The following EPSTI1 variants were observed in gnomAD, a reference collection of about 807,000 sequenced individuals.
EPSTI1 encodes epithelial-stromal interaction protein 1.
In EPSTI1, 66 loss-of-function variants were observed where a neutral mutation model predicts 49.9. The observed-to-expected ratio is 1.32, with a 90% CI of 1.08 to 1.62. The LOEUF (loss-of-function observed/expected upper bound fraction) is 1.62. Ranked by LOEUF, EPSTI1 falls within the 40% of genes most tolerant of loss-of-function variation. EPSTI1 has a pLI of 0.00. For missense variants in EPSTI1, 394 were observed against 365.5 expected (o/e 1.08, Z -0.64); for synonymous variants, 137 against 130.7 (o/e 1.05, Z -0.33).
At chr13:42,949,694 AATTCTTAT>A (rs2039038128) in intron 6 of EPSTI1, among the ~76,000 whole-genome samples, 1 of 152,092 alleles carries the variant, frequency 6.6e-6, no homozygotes, top group Non-Finnish European at 1.5e-5. Flanking sequence ...AAATGTAGCC[AATTCTTAT>A]ATCTCGAGAA....
chr13:42,899,950 T>C (rs749973980), intron 9 of EPSTI1, among the ~76,000 whole-genome samples: 7 of 152,218 alleles, frequency 4.6e-5, no homozygotes, highest in Non-Finnish European at 8.8e-5. Context: ...TTGATCTAAG[T>C]GTTATAACTA....
intron 1 of EPSTI1, among the ~76,000 whole-genome samples, chr13:42,989,906 A>T (rs928210975): frequency 6.6e-6 from 1 of 151,806 alleles, no homozygotes; most frequent in African/African-American, 2.4e-5. Context: ...TCATTTTTTT[A>T]AATCAGAAAG....
At chr13:42,930,817 G>A (rs1272251087) in intron 6 of EPSTI1, among the ~76,000 whole-genome samples, 1 of 152,174 alleles carries the variant, frequency 6.6e-6, no homozygotes, top group East Asian at 1.9e-4. Flanking sequence ...TGTCAGGTAT[G>A]TATCCTGATT....
intron 8 of EPSTI1, among the ~76,000 whole-genome samples, chr13:42,904,053 A>G (rs2037432672): frequency 6.6e-6 from 1 of 152,246 alleles, no homozygotes; most frequent in African/African-American, 2.4e-5. Context: ...AGGCTATAGT[A>G]GTGAACAAGA....
intron 1 of EPSTI1, among the ~76,000 whole-genome samples, chr13:42,976,554 G>C (rs1010442722): frequency 6.6e-6 from 1 of 152,040 alleles, no homozygotes; most frequent in African/African-American, 2.4e-5. Context: ...CTTATGAAAT[G>C]TGCTATATAT....
chr13:42,911,273 ACG>A (rs1328993248), intron 8 of EPSTI1, among the ~76,000 whole-genome samples: 2 of 94,862 alleles, frequency 2.1e-5, no homozygotes, highest in African/African-American at 7.3e-5. Context: ...GTGCGCGCGC[ACG>A]CGCGCACACG....
intron 9 of EPSTI1, among the ~76,000 whole-genome samples, chr13:42,895,953 T>C (rs2037177435): frequency 6.6e-6 from 1 of 152,182 alleles, no homozygotes; most frequent in African/African-American, 2.4e-5. Context: ...ACCAGTCACA[T>C]GAGCCTCTTG....
chr13:42,967,289 TAAAA>T (rs747737457), intron 3 of EPSTI1, among the ~76,000 whole-genome samples: 2 of 28,540 alleles, frequency 7.0e-5, no homozygotes, highest in African/African-American at 9.2e-5. Flanking sequence ...AAAAATAAAT[TAAAA>T]AAAAAAAAAA....
intron 8 of EPSTI1, 48 bp from the exon 9 acceptor site, chr13:42,900,431 G>A (rs2037323525): frequency 6.5e-7 from 1 of 1,530,640 alleles, no homozygotes; most frequent in Non-Finnish European, 9.0e-7. Context: ...TAACACAGTT[G>A]TACAGAAGAT....
intron 10 of EPSTI1, among the ~76,000 whole-genome samples, chr13:42,892,814 G>C (rs757137964): frequency 2.0e-5 from 3 of 152,200 alleles, no homozygotes; most frequent in Non-Finnish European, 4.4e-5. Context: ...GTAGATCCCT[G>C]AGGCACTTCA....
chr13:42,904,994 T>C (rs537015046), intron 8 of EPSTI1, among the ~76,000 whole-genome samples: 1 of 152,328 alleles, frequency 6.6e-6, no homozygotes, highest in South Asian at 2.1e-4. Flanking sequence ...CTGAACCATG[T>C]GTATATATTA....
rs2036909245 is a variant in EPSTI1, at chr13:42,887,928, A to C, written c.*566T>G. 1 of 182,200 alleles carries C rather than the reference A, an allele frequency of 5.5e-6. No individual in the cohort carries two copies. The highest frequency in any genetic ancestry group is 2.4e-5 in the African/African-American group (1 of 42,060). The allele number at this position is 182,200 out of a possible 1,614,324, so 11.3% of individuals were successfully genotyped here. On this transcript the variant is annotated 3_prime_UTR_variant, in exon 11 of 11. Coordinates refer to ENST00000313624, the MANE Select transcript of EPSTI1 (RefSeq NM_033255.5). ...GCCTGGAAAAGGGAATTAAAATGAG[A>C]CCCTTCAAGAGAGAAAACCCCAATA...
At chr13:42,943,806 G>T (rs1437746579) in intron 6 of EPSTI1, among the ~76,000 whole-genome samples, 1 of 151,938 alleles carries the variant, frequency 6.6e-6, no homozygotes, top group Non-Finnish European at 1.5e-5. Context: ...AATCTACAAA[G>T]AATTTAAACA....
intron 5 of EPSTI1, 151 bp downstream of exon 5, chr13:42,963,104 A>G (rs1054813): frequency 0.62 from 439,165 of 708,732 alleles, 138,702 homozygotes; most frequent in East Asian, 0.76. Flanking sequence ...AATGGAAGGA[A>G]AAAAACTGGA....
intron 4 of EPSTI1, 68 bp from the exon 5 acceptor site, chr13:42,963,406 A>G (rs188391414): frequency 1.6e-4 from 201 of 1,260,060 alleles, no homozygotes; most frequent in Non-Finnish European, 2.2e-4. Flanking sequence ...CTGGAACACA[A>G]AATTATGATG....
chr13:42,912,244 A>G (rs905904749), intron 8 of EPSTI1, among the ~76,000 whole-genome samples: 1 of 152,236 alleles, frequency 6.6e-6, no homozygotes, highest in Admixed American at 6.5e-5. Flanking sequence ...CTTCTGAAGG[A>G]GCTCCAGGAG....
chr13:42,890,296 C>CTTTTTTTT (rs71202241), intron 10 of EPSTI1, among the ~76,000 whole-genome samples: 4 of 116,306 alleles, frequency 3.4e-5, no homozygotes, highest in East Asian at 2.5e-4. Flanking sequence ...TTTTTCTTTT[C>CTTTTTTTT]TTTTTTTTTT....
chr13:42,963,395 TC>T, intron 4 of EPSTI1, 57 bp from the exon 5 acceptor site: 1 of 1,359,376 alleles, frequency 7.4e-7, no homozygotes, highest in Non-Finnish European at 1.0e-6. Flanking sequence ...CAGTCTGAAC[TC>T]TGGAACACAA....
At chr13:42,988,558 C>T (rs1473067737) in intron 1 of EPSTI1, among the ~76,000 whole-genome samples, 2 of 152,092 alleles carry the variant, frequency 1.3e-5, no homozygotes, top group Admixed American at 6.5e-5. Flanking sequence ...TGGCGAAACC[C>T]CGTCTCTACT....
Sources: allele counts gnomAD v4.1 joint callset (sites outside exome capture counted in the v4.1 genomes callset), GRCh38; gene constraint gnomAD v4.1.1; transcripts MANE v1.5; gene names NCBI Gene and HGNC (gene_info 2026-07-23, HGNC 2026-07-21).